HHAT: variants seen among roughly 807,000 people sequenced by gnomAD.
HHAT encodes the protein protein-cysteine N-palmitoyltransferase HHAT.
In HHAT, 47 loss-of-function variants were observed where a neutral mutation model predicts 70.8. That is an observed-to-expected ratio of 0.66 (90% CI 0.53 to 0.85). HHAT has a LOEUF of 0.85. Ranked by LOEUF, HHAT falls within the 40% of genes least tolerant of loss-of-function variation. The probability of loss-of-function intolerance (pLI) is 0.00; values close to 1 mark genes in which losing one functional copy is unlikely to be tolerated. For missense variants in HHAT, 609 were observed against 604.8 expected, an observed-to-expected ratio of 1.01 and a Z score of -0.07; for synonymous variants, 228 against 247.6, an observed-to-expected ratio of 0.92 and a Z score of 0.74.
intron 7 of HHAT, among the ~76,000 whole-genome samples, chr1:210,458,740 C>T (rs1046346841): frequency 1.3e-5 from 2 of 152,188 alleles, no homozygotes; most frequent in African/African-American, 4.8e-5. Flanking sequence ...TTCTCCTTCC[C>T]ATTCCCTCCA....
chr1:210,640,305 A>G (rs1312708145), intron 11 of HHAT, among the ~76,000 whole-genome samples: 1 of 152,182 alleles, frequency 6.6e-6, no homozygotes, highest in Non-Finnish European at 1.5e-5. Context: ...ACTGTTTGAT[A>G]TTAGATTTTT....
At chr1:210,354,715 A>T (rs2087435185) in intron 2 of HHAT, among the ~76,000 whole-genome samples, 2 of 152,132 alleles carry the variant, frequency 1.3e-5, no homozygotes, top group African/African-American at 4.8e-5. Context: ...CAATTCTTAC[A>T]TCAATACTGT....
rs376948754 is a variant in HHAT, at chr1:210,388,552, A to AT, written c.273+981dup. Among the ~76,000 whole-genome samples, 578 of 149,720 alleles carry AT rather than the reference A, an allele frequency of 3.9e-3. 6 individuals carry two copies. Among genetic ancestry groups the AT allele is most frequent in the African/African-American group, 0.012 (508 of 40,848 alleles). On this transcript the variant is annotated intron_variant, in intron 4 of 11. Transcript: ENST00000261458. ...TAACTTCTTCTTGAATATGATACTG[A>AT]TTTTTTTTTTGTACTCAAGTGGCTG... is the stretch of plus-strand genomic sequence containing the variant.
intron 9 of HHAT, among the ~76,000 whole-genome samples, chr1:210,568,204 A>G (rs1193419774): frequency 6.6e-6 from 1 of 152,282 alleles, no homozygotes; most frequent in Non-Finnish European, 1.5e-5. Context: ...AGTAATGATG[A>G]ACTTCCAGAT....
At chr1:210,552,775 A>T (rs2095537928) in intron 9 of HHAT, among the ~76,000 whole-genome samples, 1 of 152,160 alleles carries the variant, frequency 6.6e-6, no homozygotes, top group Non-Finnish European at 1.5e-5. Flanking sequence ...CAGGAGAGCA[A>T]ATGGGGCTAC....
chr1:210,490,621 A>G (rs891679371), intron 8 of HHAT, among the ~76,000 whole-genome samples: 2 of 152,208 alleles, frequency 1.3e-5, no homozygotes, highest in Non-Finnish European at 2.9e-5. Flanking sequence ...CCTCAGGCAA[A>G]TGAGATTATT....
At chr1:210,364,835 C>G (rs2088741769) in intron 3 of HHAT, among the ~76,000 whole-genome samples, 2 of 152,206 alleles carry the variant, frequency 1.3e-5, no homozygotes, top group South Asian at 4.1e-4. Flanking sequence ...CAGGCCAATT[C>G]TGCCTTCACA....
chr1:210,670,956 C>T (rs1332196710), intron 11 of HHAT, among the ~76,000 whole-genome samples: 2 of 152,180 alleles, frequency 1.3e-5, no homozygotes, highest in African/African-American at 4.8e-5. Context: ...CTAGCCACCT[C>T]TCTGGATGGC....
At chr1:210,452,453 G>C (rs1427439421) in intron 7 of HHAT, among the ~76,000 whole-genome samples, 5 of 152,144 alleles carry the variant, frequency 3.3e-5, no homozygotes, top group Middle Eastern at 3.2e-3. Context: ...TCATCTCCCA[G>C]GTTCAACAAT....
rs560168216 is a variant in HHAT, at chr1:210,429,002, C to T, written c.856+10677C>T. 3.3e-5 allele frequency among the ~76,000 whole-genome samples: 5 copies of T among 151,890 alleles called. No homozygotes were observed. In the South Asian group the frequency reaches 8.3e-4, roughly 25 times the overall value. On this transcript the variant is annotated intron_variant, in intron 7 of 11. Transcript: ENST00000261458. ...CCTCGCTTCCCCTCCGCACCCACCT[C>T]GCTCCGGCAAAAGACAAAGCTTCAT...
chr1:210,642,157 G>C (rs754477791), intron 11 of HHAT, among the ~76,000 whole-genome samples: 1 of 152,136 alleles, frequency 6.6e-6, no homozygotes, highest in Non-Finnish European at 1.5e-5. Flanking sequence ...AAAGCAGAAG[G>C]GACTGTATTT....
intron 7 of HHAT, among the ~76,000 whole-genome samples, chr1:210,446,929 C>A (rs1023305318): frequency 6.6e-6 from 1 of 152,152 alleles, no homozygotes; most frequent in African/African-American, 2.4e-5. Flanking sequence ...ACATAGGAAC[C>A]TTAGTGAACT....
intron 9 of HHAT, among the ~76,000 whole-genome samples, chr1:210,563,481 T>G (rs1422004167): frequency 6.6e-6 from 1 of 152,042 alleles, no homozygotes; most frequent in Non-Finnish European, 1.5e-5. Flanking sequence ...TGGGGAGGGT[T>G]CTTCAACATT....
intron 7 of HHAT, among the ~76,000 whole-genome samples, chr1:210,435,674 G>A (rs1015377759): frequency 4.0e-5 from 6 of 151,674 alleles, no homozygotes; most frequent in African/African-American, 1.5e-4. Flanking sequence ...GGGGTGAGAC[G>A]ATATCTCATT....
rs556686303 is a variant in HHAT, at chr1:210,384,236, CTTG to C, written c.160-3229_160-3227del. Among the ~76,000 whole-genome samples the C allele has an allele frequency of 3.1e-3, 465 of 152,336 alleles. 2 individuals carry two copies. The highest frequency in any genetic ancestry group is 0.011 in the African/African-American group (440 of 41,566). On this transcript the variant is annotated intron_variant, in intron 3 of 11. Coordinates refer to ENST00000261458, the MANE Select transcript of HHAT (RefSeq NM_018194.6). ...CAGAATAAACAACCACATTTGTTAA[CTTG>C]TTCAGTGAATTCCGAAGTCTGGGTG...
chr1:210,617,768 A>G (rs1030668434), intron 10 of HHAT, among the ~76,000 whole-genome samples: 9 of 152,206 alleles, frequency 5.9e-5, no homozygotes, highest in African/African-American at 1.9e-4. Flanking sequence ...TGCTGCAGGT[A>G]TTTGATTCTC....
intron 8 of HHAT, among the ~76,000 whole-genome samples, chr1:210,491,408 G>T (rs929960320): frequency 7.9e-5 from 12 of 152,306 alleles, no homozygotes; most frequent in East Asian, 5.8e-4. Flanking sequence ...CAAGTTCAGA[G>T]AGCTGGTGGG....
intron 2 of HHAT, among the ~76,000 whole-genome samples, chr1:210,349,698 G>A (rs905384647): frequency 1.3e-5 from 2 of 149,156 alleles, no homozygotes; most frequent in East Asian, 3.9e-4. Context: ...TGTCGCCCAG[G>A]CTAGAGCAAT....
intron 7 of HHAT, among the ~76,000 whole-genome samples, chr1:210,424,741 A>G (rs1299739965): frequency 6.6e-6 from 1 of 152,044 alleles, no homozygotes; most frequent in African/African-American, 2.4e-5. Context: ...TTCTTTATCC[A>G]GGCTATCATT....
Sources: gnomAD v4.1 joint callset for allele counts (sites outside exome capture counted in the v4.1 genomes callset) on GRCh38, gnomAD v4.1.1 for gene constraint, MANE v1.5 for transcripts, NCBI Gene and HGNC (gene_info 2026-07-23, HGNC 2026-07-21) for gene names.